BDNF: variants seen among roughly 807,000 people sequenced by gnomAD.
The protein encoded by BDNF is brain derived neurotrophic factor.
Under a neutral mutation model 19.5 loss-of-function variants are expected in BDNF, and 1 was observed. The observed-to-expected ratio is 0.05, with a 90% CI of 0.02 to 0.24. BDNF has a LOEUF of 0.24. Ranked by LOEUF, BDNF falls within the 10% of genes least tolerant of loss-of-function variation. The pLI is 1.00. For missense variants in BDNF, 195 were observed against 317.6 expected (o/e 0.61, Z 2.93); for synonymous variants, 100 against 121.6 (o/e 0.82, Z 1.17).
chr11:27,699,540 C>G, intron 1 of BDNF: 1 of 1,590,502 alleles, frequency 6.3e-7, no homozygotes, highest in East Asian at 2.3e-5. Context: ...TTCGGCCTGC[C>G]CGAGAGTGTC....
chr11:27,698,843 T>C (rs894921650), intron 1 of BDNF, among the ~76,000 whole-genome samples: 1 of 152,266 alleles, frequency 6.6e-6, no homozygotes, highest in South Asian at 2.1e-4. Context: ...AAGGAGTAAG[T>C]GCAGGATAAC....
At chr11:27,675,344 G>C (rs1190213871) in intron 1 of BDNF, 1 of 152,152 alleles carries the variant, frequency 6.6e-6, no homozygotes, top group Admixed American at 6.5e-5. Context: ...ATACTTAATA[G>C]GGTATTTTGT....
In BDNF at chr11:27,656,403, A is replaced by G. The variant is rs1355990398; in HGVS notation, c.*1418T>C. 1.1e-5 allele frequency: 4 copies of G among 361,004 alleles called. No individual in the cohort carries two copies. Among genetic ancestry groups the G allele is most frequent in the Non-Finnish European group, 1.5e-5 (4 of 259,038 alleles). 22.4% of individuals were successfully genotyped at this position (361,004 alleles called of 1,614,324 possible). Reference sequence around the variant, plus strand: ...GAGAACCTCTTGAGCACAGTTAGATAATGTAGGCACTTAAAGCACGAGGTC... The same window carrying G: ...GAGAACCTCTTGAGCACAGTTAGATGATGTAGGCACTTAAAGCACGAGGTC... On this transcript the variant is annotated 3_prime_UTR_variant, in exon 2 of 2. Coordinates refer to ENST00000356660, the MANE Select transcript of BDNF (RefSeq NM_001709.5).
chr11:27,686,513 T>C (rs142615576), intron 1 of BDNF, among the ~76,000 whole-genome samples: 5,571 of 152,274 alleles, frequency 0.037, 134 homozygotes, highest in South Asian at 0.068. Flanking sequence ...TACAATTTGG[T>C]ATGTTTCTGC....
intron 1 of BDNF, among the ~76,000 whole-genome samples, chr11:27,693,002 T>C (rs1241150486): frequency 6.6e-6 from 1 of 152,240 alleles, no homozygotes; most frequent in Non-Finnish European, 1.5e-5. Context: ...AGCCTAAGTT[T>C]TCTTGTCCCT....
chr11:27,664,968 G>A (rs999708834), intron 1 of BDNF, among the ~76,000 whole-genome samples: 1 of 152,092 alleles, frequency 6.6e-6, no homozygotes, highest in Non-Finnish European at 1.5e-5. Flanking sequence ...CAAGCCACTT[G>A]GATAGCAAAT....
At chr11:27,700,820 C>G, upstream of BDNF, 2 of 1,226,948 alleles carry the variant, frequency 1.6e-6, no homozygotes, top group Non-Finnish European at 2.1e-6. Flanking sequence ...TCTGCAGAAA[C>G]CCCGGCTGTG....
chr11:27,715,342 CCT>C (rs1327763961), intron 1 of BDNF, among the ~76,000 whole-genome samples: 1 of 152,140 alleles, frequency 6.6e-6, no homozygotes, highest in Non-Finnish European at 1.5e-5. Flanking sequence ...GGCTAAGTGA[CCT>C]CTGAGAACCT....
intron 1 of BDNF, chr11:27,659,247 A>G (rs1590221752): frequency 1.0e-6 from 1 of 989,926 alleles, no homozygotes; most frequent in Admixed American, 6.1e-5. Context: ...ACCAAAGGCC[A>G]TAGAAGACTT....
intron 1 of BDNF, among the ~76,000 whole-genome samples, chr11:27,720,102 A>G (rs1031419401): frequency 6.6e-6 from 1 of 152,216 alleles, no homozygotes; most frequent in African/African-American, 2.4e-5. Context: ...TTTGAATCAG[A>G]CATTTGCAGG....
At position 27,658,218 on chromosome 11, in the gene BDNF, T is replaced by C; in HGVS notation, c.347A>G (p.Tyr116Cys). The C allele has an allele frequency of 6.2e-7, 1 of 1,613,926 alleles. No homozygotes were observed. The stretch of plus-strand genomic sequence containing the variant: ...CATGGACATGTTTGCAGCATCTAGG[T>C]AATTTTTGTATTCCTCCAGCAGAAA... Reference protein sequence around the residue: ...LLFLLEEYKNYLDAANMSMRV... With the variant: ...LLFLLEEYKNCLDAANMSMRV... Residue 116 changes from tyrosine to cysteine, a missense_variant, in exon 2 of 2, where the codon TAC (tyrosine) becomes TGC (cysteine). Transcript: ENST00000356660. This position sits in a 1 kb window ranked among gnomAD's most constrained non-coding sequence, Gnocchi z 5.7.
chr11:27,675,141 A>G (rs543908556), intron 1 of BDNF, among the ~76,000 whole-genome samples: 10 of 152,302 alleles, frequency 6.6e-5, no homozygotes, highest in African/African-American at 2.4e-4. Flanking sequence ...AGGGAGGTCT[A>G]CTTGGCAGAA....
intron 1 of BDNF, among the ~76,000 whole-genome samples, chr11:27,705,852 A>C (rs1323481798): frequency 6.6e-6 from 1 of 152,230 alleles, no homozygotes; most frequent in African/African-American, 2.4e-5. Flanking sequence ...ACTATCTGTC[A>C]GGAGGCTATT....
chr11:27,721,321 G>A (rs907543857), intron 1 of BDNF: 10 of 1,431,660 alleles, frequency 7.0e-6, no homozygotes, highest in African/African-American at 4.2e-5. Context: ...GTTCTTTGGC[G>A]TGTGAAGTGC....
upstream of BDNF, chr11:27,701,612 C>T (rs553321314): frequency 1.9e-5 from 19 of 986,496 alleles, no homozygotes; most frequent in South Asian, 8.4e-4. Context: ...CAGCCCTCTC[C>T]GCGGTGAATG....
At chr11:27,693,671 G>A (rs541704899) in intron 1 of BDNF, among the ~76,000 whole-genome samples, 8 of 152,244 alleles carry the variant, frequency 5.3e-5, no homozygotes, top group African/African-American at 2.4e-5. Context: ...CAAATTTCTC[G>A]ACCTTCAGAT....
At chr11:27,703,355 T>A (rs781645188), upstream of BDNF, among the ~76,000 whole-genome samples, 3 of 152,220 alleles carry the variant, frequency 2.0e-5, no homozygotes, top group Non-Finnish European at 2.9e-5. Flanking sequence ...ACTTTAACTT[T>A]GTTAACTTCA....
intron 1 of BDNF, among the ~76,000 whole-genome samples, chr11:27,706,859 G>C (rs1860131854): frequency 6.6e-6 from 1 of 152,178 alleles, no homozygotes; most frequent in Non-Finnish European, 1.5e-5. Flanking sequence ...TCATAACAAA[G>C]CTACGTCTTC....
intron 1 of BDNF, among the ~76,000 whole-genome samples, chr11:27,694,113 A>G (rs994822705): frequency 2.0e-5 from 3 of 152,144 alleles, no homozygotes; most frequent in Non-Finnish European, 2.9e-5. Context: ...AAGATATACT[A>G]TATTCTACTC....
Sources: gnomAD v4.1 joint callset for allele counts (sites outside exome capture counted in the v4.1 genomes callset) on GRCh38, gnomAD v4.1.1 for gene constraint, Gnocchi (gnomAD v3.1) non-coding constraint, MANE v1.5 for transcripts, NCBI Gene and HGNC (gene_info 2026-07-23, HGNC 2026-07-21) for gene names.